GSPT1: variants seen among roughly 807,000 people sequenced by gnomAD.
The protein encoded by GSPT1 is eukaryotic peptide chain release factor GTP-binding subunit ERF3A.
In GSPT1, 20 loss-of-function variants were observed where a neutral mutation model predicts 72.5. The observed-to-expected ratio is 0.28, with a 90% CI of 0.19 to 0.40. The LOEUF is 0.40. Among genes scored for constraint, GSPT1 ranks in the 10% least tolerant of loss-of-function variants. GSPT1 has a pLI of 1.00. For synonymous variants in GSPT1, 334 were observed against 293.5 expected (o/e 1.14, Z -1.41); for missense variants, 580 against 811.9 (o/e 0.71, Z 3.47).
intron 1 of GSPT1, among the ~76,000 whole-genome samples, chr16:11,901,005 CAAAAAACAA>C (rs2054399044): frequency 2.0e-5 from 3 of 150,658 alleles, no homozygotes; most frequent in Non-Finnish European, 2.9e-5. Context: ...AAAAGAAAAA[CAAAAAACAA>C]AAAACAAAAA....
chr16:11,907,244 A>C (rs1225648278), intron 1 of GSPT1, among the ~76,000 whole-genome samples: 1 of 152,230 alleles, frequency 6.6e-6, no homozygotes, highest in Non-Finnish European at 1.5e-5. Context: ...GGAGAGTCTC[A>C]GTCTACTTTA....
chr16:11,877,259 T>A lies in GSPT1; in HGVS notation c.1602+148A>T, dbSNP rs1234129209. 3 of 577,212 alleles carry A rather than the reference T, an allele frequency of 5.2e-6. No homozygotes were observed. Among genetic ancestry groups the A allele is most frequent in the African/African-American group, 3.8e-5 (2 of 52,428 alleles). 35.8% of individuals were successfully genotyped at this position (577,212 alleles called of 1,614,324 possible). A position where few individuals can be genotyped will look rare whatever the true frequency, so the allele number is the denominator to read the frequency against. Reference sequence around the variant, plus strand: ...TGAGGTGCCTATTGTGGTTATGATATATAAGTGGCTTATAATATTTCCATT... The same window carrying A: ...TGAGGTGCCTATTGTGGTTATGATAAATAAGTGGCTTATAATATTTCCATT... On this transcript the variant is annotated intron_variant, in intron 12 of 14. Transcript: ENST00000434724. This position sits in a 1 kb window ranked among gnomAD's most constrained non-coding sequence, Gnocchi z 4.0.
At chr16:11,911,411 G>T (rs1596477785) in intron 1 of GSPT1, among the ~76,000 whole-genome samples, 1 of 152,154 alleles carries the variant, frequency 6.6e-6, no homozygotes, top group South Asian at 2.1e-4. Flanking sequence ...TTTTTGGACA[G>T]TGTCTCATTT....
rs904020922 is a variant in GSPT1, at chr16:11,870,502, AT to A, written c.*2616del. 3 of 152,194 alleles carry A rather than the reference AT, an allele frequency of 2.0e-5. No homozygotes were observed. The highest frequency in any genetic ancestry group is 4.4e-5 in the Non-Finnish European group (3 of 68,032). 9.4% of individuals were successfully genotyped at this position (152,194 alleles called of 1,614,324 possible). On this transcript the variant is annotated 3_prime_UTR_variant, in exon 15 of 15. Transcript: ENST00000434724. Reference sequence around the variant, plus strand: ...CCCTAAATATGCAGCCAACTACCCTATTTTTGCACTGTTGACCATATAAGCA... The same window carrying A: ...CCCTAAATATGCAGCCAACTACCCTATTTTGCACTGTTGACCATATAAGCA...
At chr16:11,885,067 C>T (rs1266610526) in intron 10 of GSPT1, 114 bp downstream of exon 10, 1 of 515,788 alleles carries the variant, frequency 1.9e-6, no homozygotes, top group Non-Finnish European at 3.5e-6. Flanking sequence ...AAGATTCTGT[C>T]AAAAAAAAAA....
Position 11,883,042 on chromosome 16 carries a change from G to C in GSPT1, c.1401C>G (p.Gly467=). The change falls in exon 11 of 15, where the codon GGC becomes GGG. Residue 467 remains glycine, a synonymous_variant. Coordinates refer to ENST00000434724, the MANE Select transcript of GSPT1 (RefSeq NM_002094.4). ...GKLESGSICK[G]QQLVMMPNKH... ...TGTTTGGCATCATCACAAGCTGCTG[G>C]CCTTTACAAATAGATCCTGATTCCA... The C allele has an allele frequency of 6.2e-7, 1 of 1,604,412 alleles. No individual in the cohort carries two copies. The highest frequency in any genetic ancestry group is 8.5e-7 in the Non-Finnish European group (1 of 1,171,280).
chr16:11,915,881 G>A lies in GSPT1; in HGVS notation c.-161C>T. On this transcript the variant is annotated 5_prime_UTR_variant, in exon 1 of 15. Coordinates refer to ENST00000434724, the MANE Select transcript of GSPT1 (RefSeq NM_002094.4). ...CGGCGTCGCCGCGGCAGCAGCTCCA[G>A]TCCCGACTCCACACTCGCGACGACG... The A allele has an allele frequency of 9.4e-7, 1 of 1,062,828 alleles. No homozygotes were observed. The highest frequency in any genetic ancestry group is 1.2e-5 in the South Asian group (1 of 80,070). The allele number at this position is 1,062,828 out of a possible 1,614,324, so 65.8% of individuals were successfully genotyped here.
intron 1 of GSPT1, chr16:11,904,169 C>T (rs1232282501): frequency 9.8e-6 from 2 of 203,972 alleles, no homozygotes; most frequent in Non-Finnish European, 1.1e-5. Flanking sequence ...GTATGCCAAC[C>T]TCAACACCAA....
chr16:11,881,869 G>C (rs192103469), intron 11 of GSPT1: 52 of 152,070 alleles, frequency 3.4e-4, no homozygotes, highest in African/African-American at 1.2e-3. Flanking sequence ...ATGTTGCCCA[G>C]TGTGGTCTCC....
chr16:11,901,771 GAA>G (rs1435982631), intron 1 of GSPT1, among the ~76,000 whole-genome samples: 1 of 150,776 alleles, frequency 6.6e-6, no homozygotes, highest in Admixed American at 6.6e-5. Context: ...TAGCCTGGGT[GAA>G]AGAGTGAGAC....
chr16:11,884,870 C>T (rs1028459315), intron 10 of GSPT1, among the ~76,000 whole-genome samples: 1 of 151,558 alleles, frequency 6.6e-6, no homozygotes, highest in Non-Finnish European at 1.5e-5. Flanking sequence ...AGATCGAGAC[C>T]ATCCTGGCTG....
At chr16:11,897,613 A>C (rs2054356305) in intron 3 of GSPT1, among the ~76,000 whole-genome samples, 1 of 152,182 alleles carries the variant, frequency 6.6e-6, no homozygotes, top group Non-Finnish European at 1.5e-5. Flanking sequence ...AGGTACAGGT[A>C]TTTAAATTGA....
chr16:11,915,096 G>C, intron 1 of GSPT1: 1 of 1,291,554 alleles, frequency 7.7e-7, no homozygotes, highest in South Asian at 1.2e-5. Context: ...GGTAACTGCG[G>C]ACTCCAGAGC....
Position 11,915,679 on chromosome 16 carries a change from G to A in GSPT1, c.42C>T (p.Gly14=), listed in dbSNP as rs1447162617. ...TGCTGCTGCCGCTGCTGCTCCCGCC[G>A]CCGCCGCCGCCGCCGCCGCCGCCGC... is the stretch of plus-strand genomic sequence containing the variant. The part of the protein sequence containing the change: ...GSGGGGGGGG[G]GGSSSGSSSS... Residue 14 remains glycine (G), a synonymous_variant, in exon 1 of 15, where the codon GGC becomes GGT. Coordinates refer to ENST00000434724, the MANE Select transcript of GSPT1 (RefSeq NM_002094.4). 2.3e-6 allele frequency: 3 copies of A among 1,291,406 alleles called. No individual in the cohort carries two copies. Among genetic ancestry groups the A allele is most frequent in the East Asian group, 2.8e-5 (1 of 35,132 alleles). The allele number at this position is 1,291,406 out of a possible 1,614,324, so 80.0% of individuals were successfully genotyped here.
chr16:11,910,485 C>T (rs574429971), intron 1 of GSPT1, among the ~76,000 whole-genome samples: 29 of 152,254 alleles, frequency 1.9e-4, no homozygotes, highest in African/African-American at 6.5e-4. Context: ...GTTAATGAGT[C>T]GCTAGTACAT....
At chr16:11,890,353 C>T (rs1464734811) in intron 6 of GSPT1, among the ~76,000 whole-genome samples, 2 of 152,096 alleles carry the variant, frequency 1.3e-5, no homozygotes, top group East Asian at 3.8e-4. Context: ...TGGTTACTTG[C>T]TAAAAATTGC....
intron 11 of GSPT1, among the ~76,000 whole-genome samples, chr16:11,879,491 T>G (rs987301912): frequency 1.3e-5 from 2 of 151,906 alleles, no homozygotes; most frequent in Non-Finnish European, 2.9e-5. Context: ...CCCCAGCACT[T>G]TGGGAGGCCA....
chr16:11,872,720 A>G lies in GSPT1; in HGVS notation c.*399T>C, dbSNP rs2053992305. 6.1e-6 allele frequency: 1 copy of G among 164,124 alleles called. No homozygotes were observed. 10.2% of individuals were successfully genotyped at this position (164,124 alleles called of 1,614,324 possible). On this transcript the variant is annotated 3_prime_UTR_variant, in exon 15 of 15. Transcript: ENST00000434724. ...TTATTAACATGGTAGTTGCCTTTGTAACATGTGCACACACACTCGCACACT... is the reference window on the plus strand; with the variant it reads ...TTATTAACATGGTAGTTGCCTTTGTGACATGTGCACACACACTCGCACACT...
At chr16:11,911,285 G>GAGC (rs2054553336) in intron 1 of GSPT1, among the ~76,000 whole-genome samples, 1 of 152,198 alleles carries the variant, frequency 6.6e-6, no homozygotes, top group Non-Finnish European at 1.5e-5. Context: ...GGTCACTTCT[G>GAGC]AGATGTTCCA....
Sources: gnomAD v4.1 joint callset for allele counts (sites outside exome capture counted in the v4.1 genomes callset) on GRCh38, gnomAD v4.1.1 for gene constraint, Gnocchi (gnomAD v3.1) non-coding constraint, MANE v1.5 for transcripts, NCBI Gene and HGNC (gene_info 2026-07-23, HGNC 2026-07-21) for gene names.